The following CSMD1 variants were observed in gnomAD, a reference collection of about 807,000 sequenced individuals.
The protein encoded by CSMD1 is CUB and Sushi multiple domains 1.
CSMD1 carries 213 observed loss-of-function variants against 417.5 expected under a neutral mutation model. That is an observed-to-expected ratio of 0.51 (90% CI 0.46 to 0.57). The LOEUF is 0.57. Ranked by LOEUF, CSMD1 falls within the 20% of genes least tolerant of loss-of-function variation. CSMD1 has a pLI of 0.00. For missense variants in CSMD1, 6,923 were observed against 4,529.7 expected (o/e 1.53, Z -15.17); for synonymous variants, 2,862 against 1,736.8 (o/e 1.65, Z -16.11).
At chr8:3,025,499 G>C (rs1393500271) in intron 51 of CSMD1, among the ~76,000 whole-genome samples, 1 of 152,140 alleles carries the variant, frequency 6.6e-6, no homozygotes, top group Non-Finnish European at 1.5e-5. Context: ...ACTGTGTATT[G>C]TGTGGTGTTA....
At chr8:4,808,101 C>A (rs372505898) in intron 1 of CSMD1, among the ~76,000 whole-genome samples, 3 of 152,138 alleles carry the variant, frequency 2.0e-5, no homozygotes, top group African/African-American at 7.2e-5. Context: ...TGCTTACTTG[C>A]AATTATGTTT....
intron 3 of CSMD1, among the ~76,000 whole-genome samples, chr8:4,125,187 A>T (rs932946766): frequency 6.6e-6 from 1 of 152,148 alleles, no homozygotes; most frequent in Non-Finnish European, 1.5e-5. Context: ...TGGGGCCCCA[A>T]AATTACTAAA....
intron 1 of CSMD1, among the ~76,000 whole-genome samples, chr8:4,739,889 T>G (rs1192403345): frequency 6.6e-6 from 1 of 152,152 alleles, no homozygotes; most frequent in Non-Finnish European, 1.5e-5. Context: ...AACTCAGCAT[T>G]GACAGCCGTT....
rs989943894 is a variant in CSMD1 at position 3,775,782 on chromosome 8, G to A, written c.819-21740C>T. Among the ~76,000 whole-genome samples, 7 of 152,186 alleles carry A rather than the reference G, an allele frequency of 4.6e-5. 1 individual carries two copies. Among genetic ancestry groups the A allele is most frequent in the Admixed American group, 3.3e-4 (5 of 15,278 alleles). ...CTGCCTTAATCTACAAAAGGTCCAC[G>A]AAGCATTGCTGGGTGCTGATGTCAT... On this transcript the variant is annotated intron_variant, in intron 5 of 69. Coordinates refer to ENST00000635120, the MANE Select transcript of CSMD1 (RefSeq NM_033225.6).
intron 6 of CSMD1, among the ~76,000 whole-genome samples, chr8:3,711,283 T>A (rs1453992647): frequency 6.6e-6 from 1 of 152,092 alleles, no homozygotes; most frequent in Non-Finnish European, 1.5e-5. Flanking sequence ...GAGCCATGAA[T>A]AGACCACAGG....
At chr8:2,998,640 T>C (rs1396579655) in intron 53 of CSMD1, among the ~76,000 whole-genome samples, 2 of 152,230 alleles carry the variant, frequency 1.3e-5, no homozygotes, top group East Asian at 1.9e-4. Context: ...GTATAAATTA[T>C]TGCAATATCA....
intron 2 of CSMD1, among the ~76,000 whole-genome samples, chr8:4,477,948 T>C (rs1800891775): frequency 6.6e-6 from 1 of 152,192 alleles, no homozygotes; most frequent in Admixed American, 6.5e-5. Context: ...AGCTATGCAA[T>C]AAATATTCAT....
At chr8:4,248,484 C>G (rs766780143) in intron 3 of CSMD1, among the ~76,000 whole-genome samples, 2 of 152,180 alleles carry the variant, frequency 1.3e-5, no homozygotes. Context: ...CTTACGAATA[C>G]TTTTGAACTA....
At chr8:3,823,480 T>C (rs1327810748) in intron 5 of CSMD1, among the ~76,000 whole-genome samples, 1 of 152,198 alleles carries the variant, frequency 6.6e-6, no homozygotes, top group Non-Finnish European at 1.5e-5. Context: ...ACGAATGTAT[T>C]TTTGAACCAT....
chr8:4,271,331 A>G (rs1056953471), intron 3 of CSMD1, among the ~76,000 whole-genome samples: 5 of 152,210 alleles, frequency 3.3e-5, no homozygotes, highest in African/African-American at 1.2e-4. Flanking sequence ...ATCGTTCATT[A>G]GTAAGAAACA....
chr8:3,627,580 G>C (rs1796558193), intron 7 of CSMD1, among the ~76,000 whole-genome samples: 1 of 152,056 alleles, frequency 6.6e-6, no homozygotes, highest in Non-Finnish European at 1.5e-5. Flanking sequence ...TGTGGAAAAG[G>C]TAACAATCTA....
chr8:3,960,210 T>C (rs1162236348), intron 5 of CSMD1, among the ~76,000 whole-genome samples: 1 of 152,218 alleles, frequency 6.6e-6, no homozygotes, highest in African/African-American at 2.4e-5. Flanking sequence ...AATCATGGAA[T>C]CTATTTCTAA....
At chr8:3,706,441 G>T (rs915273602) in intron 7 of CSMD1, among the ~76,000 whole-genome samples, 1 of 152,104 alleles carries the variant, frequency 6.6e-6, no homozygotes, top group Non-Finnish European at 1.5e-5. Context: ...ATCTTAGAAG[G>T]CTCAAGGTTT....
At chr8:3,085,322 G>C (rs181342458) in intron 49 of CSMD1, among the ~76,000 whole-genome samples, 47 of 152,300 alleles carry the variant, frequency 3.1e-4, no homozygotes, top group African/African-American at 1.0e-3. Context: ...TAACAGAAAG[G>C]TTAACAGGAA....
At chr8:4,638,209 T>G (rs1802960816) in intron 1 of CSMD1, among the ~76,000 whole-genome samples, 1 of 152,136 alleles carries the variant, frequency 6.6e-6, no homozygotes, top group Non-Finnish European at 1.5e-5. Context: ...GTATCATGCT[T>G]AAAACACTCC....
intron 4 of CSMD1, among the ~76,000 whole-genome samples, chr8:4,021,662 T>A (rs551693904): frequency 6.6e-6 from 1 of 152,198 alleles, no homozygotes; most frequent in Non-Finnish European, 1.5e-5. Context: ...CCTTTTCTCT[T>A]TTGGCGCATA....
At position 3,998,167 on chromosome 8, in the gene CSMD1, A is replaced by T. The variant is rs1256914531; in HGVS notation, c.611-57T>A. The T allele has an allele frequency of 3.5e-6, 5 of 1,441,266 alleles. No individual in the cohort carries two copies. In the East Asian group the frequency reaches 1.3e-4, roughly 36 times the overall value. 89.3% of individuals were successfully genotyped at this position (1,441,266 alleles called of 1,614,324 possible). A position where few individuals can be genotyped will look rare whatever the true frequency, so the allele number is the denominator to read the frequency against. Reference sequence around the variant, plus strand: ...CATTTCAGGATGGTTTTCATACACGAGTGTGTCCACCAAGTGTCACTCTTG... The same window carrying T: ...CATTTCAGGATGGTTTTCATACACGTGTGTGTCCACCAAGTGTCACTCTTG... On this transcript the variant is annotated intron_variant, in intron 4 of 69. Coordinates refer to ENST00000635120, the MANE Select transcript of CSMD1 (RefSeq NM_033225.6).
intron 37 of CSMD1, among the ~76,000 whole-genome samples, chr8:3,174,995 CAA>C (rs1191701082): frequency 6.6e-6 from 1 of 152,042 alleles, no homozygotes; most frequent in African/African-American, 2.4e-5. Context: ...TAAATACATG[CAA>C]GAATGACTTA....
At chr8:3,873,416 A>C (rs1392917858) in intron 5 of CSMD1, among the ~76,000 whole-genome samples, 1 of 152,194 alleles carries the variant, frequency 6.6e-6, no homozygotes, top group Non-Finnish European at 1.5e-5. Context: ...ACATGGATGG[A>C]ACTGGAGGCC....
Sources: gnomAD v4.1 joint callset for allele counts (sites outside exome capture counted in the v4.1 genomes callset) on GRCh38, gnomAD v4.1.1 for gene constraint, MANE v1.5 for transcripts, NCBI Gene and HGNC (gene_info 2026-07-23, HGNC 2026-07-21) for gene names.